CC2D2A: variants seen among roughly 807,000 people sequenced by gnomAD.
The protein encoded by CC2D2A is coiled-coil and C2 domain-containing protein 2A.
Under a neutral mutation model 212.9 loss-of-function variants are expected in CC2D2A, and 155 were observed. The observed-to-expected ratio is 0.73, with a 90% CI of 0.64 to 0.83. The LOEUF (loss-of-function observed/expected upper bound fraction) is 0.83, where lower values mean the gene tolerates loss of function less well. Among genes scored for constraint, CC2D2A ranks in the 40% least tolerant of loss-of-function variants. CC2D2A has a pLI of 0.00. For missense variants in CC2D2A, 1,856 were observed against 1,956.2 expected (o/e 0.95, Z 0.97); for synonymous variants, 667 against 686.5 (o/e 0.97, Z 0.44).
chr4:15,488,880 T>C (rs1456601836), intron 4 of CC2D2A, among the ~76,000 whole-genome samples: 1 of 152,246 alleles, frequency 6.6e-6, no homozygotes, highest in Non-Finnish European at 1.5e-5. Flanking sequence ...GCTTGCCTTC[T>C]AATCTGCTCT....
chr4:15,531,767 T>C lies in CC2D2A; in HGVS notation c.1467-1426T>C, dbSNP rs542784988. 1.4e-4 allele frequency among the ~76,000 whole-genome samples: 21 copies of C among 152,146 alleles called. 1 individual carries two copies. The highest frequency in any genetic ancestry group is 1.3e-3 in the Admixed American group (20 of 15,276). Reference sequence around the variant, plus strand: ...TTTTTAGCATTTCTGGGAAACTATCTTTTTTTTAGATACTAAAAAAGAAAG... The same window carrying C: ...TTTTTAGCATTTCTGGGAAACTATCCTTTTTTTAGATACTAAAAAAGAAAG... On this transcript the variant is annotated intron_variant, in intron 13 of 36. Transcript: ENST00000424120.
chr4:15,548,106 T>C (rs866013789), intron 17 of CC2D2A, among the ~76,000 whole-genome samples: 2 of 145,922 alleles, frequency 1.4e-5, no homozygotes, highest in African/African-American at 2.5e-5. Context: ...GAAATAAAGA[T>C]TGGGGAAATT....
chr4:15,601,158 A>C, intron 36 of CC2D2A, 79 bp from the exon 37 acceptor site: 1 of 952,568 alleles, frequency 1.0e-6, no homozygotes, highest in Non-Finnish European at 1.6e-6. Context: ...CACTTATCTT[A>C]ATTGCATACA....
At chr4:15,592,886 G>A (rs1031840330) in intron 33 of CC2D2A, among the ~76,000 whole-genome samples, 1 of 151,998 alleles carries the variant, frequency 6.6e-6, no homozygotes, top group African/African-American at 2.4e-5. Flanking sequence ...CCCCTTCCTG[G>A]CTTCCTATTT....
In CC2D2A at chr4:15,596,183, A is replaced by ATATCCTGGCCTTTCCAGTGTTCAGG. The variant is rs1721312024; in HGVS notation, c.4417_4437+4dup. On this transcript the variant is annotated frameshift_variant, in exon 34 of 37. Coordinates refer to ENST00000424120, the MANE Select transcript of CC2D2A (RefSeq NM_001378615.1). LOFTEE classifies it high-confidence loss of function. ...AATCTTTCTTTTCAAGAAGCCTTCC[A>ATATCCTGGCCTTTCCAGTGTTCAGG]TATCCTGGCCTTTCCAGTGTTCAGG... 3 of 1,548,104 alleles carry ATATCCTGGCCTTTCCAGTGTTCAGG rather than the reference A, an allele frequency of 1.9e-6. No homozygotes were observed. Among genetic ancestry groups the ATATCCTGGCCTTTCCAGTGTTCAGG allele is most frequent in the Non-Finnish European group, 2.6e-6 (3 of 1,145,428 alleles).
intron 19 of CC2D2A, among the ~76,000 whole-genome samples, chr4:15,554,411 G>A (rs1435520697): frequency 2.6e-5 from 4 of 152,146 alleles, no homozygotes; most frequent in Non-Finnish European, 2.9e-5. Context: ...GGTGGCTCAC[G>A]TCCATTATCC....
intron 1 of CC2D2A, among the ~76,000 whole-genome samples, chr4:15,471,938 T>C (rs1385423596): frequency 6.6e-6 from 1 of 152,204 alleles, no homozygotes; most frequent in Non-Finnish European, 1.5e-5. Context: ...CTTGAAAAAA[T>C]ATATCTGGTT....
chr4:15,517,353 C>T (rs1000259860), intron 11 of CC2D2A, among the ~76,000 whole-genome samples: 1 of 151,824 alleles, frequency 6.6e-6, no homozygotes, highest in Non-Finnish European at 1.5e-5. Flanking sequence ...TCTTCTTTTG[C>T]CCTCTCTTTT....
intron 32 of CC2D2A, among the ~76,000 whole-genome samples, 155 bp from the exon 33 acceptor site, chr4:15,589,390 A>C (rs1421790453): frequency 6.6e-6 from 1 of 152,222 alleles, no homozygotes; most frequent in African/African-American, 2.4e-5. Flanking sequence ...TTTTAAATTC[A>C]GCATAACCTA....
At position 15,516,682 on chromosome 4, in the gene CC2D2A, C is replaced by G; in HGVS notation, c.1075C>G (p.Pro359Ala). The change falls in exon 11 of 37, where the codon CCA becomes GCA. Residue 359 changes from proline to alanine, a missense_variant. By Grantham distance (27) the Pro-to-Ala change is conservative. Around this residue, in one of 5 missense-constraint regions of CC2D2A, gnomAD observed 1,512 missense variants for 1,579.3 expected, o/e 0.96. Transcript: ENST00000424120. The stretch of plus-strand genomic sequence containing the variant: ...CCTAGCTCTGCCAAACCCCATCAAG[C>G]CATTTCCTTCAAGGCCGCCAGTACT... ...RILALPNPIKPFPSRPPVLTQ... is the reference protein window; with the variant it reads ...RILALPNPIKAFPSRPPVLTQ... 5 of 1,613,390 alleles carry G rather than the reference C, an allele frequency of 3.1e-6. No individual in the cohort carries two copies. Among genetic ancestry groups the G allele is most frequent in the Non-Finnish European group, 4.2e-6 (5 of 1,179,578 alleles).
intron 17 of CC2D2A, among the ~76,000 whole-genome samples, chr4:15,544,813 C>T (rs934969961): frequency 6.6e-6 from 1 of 152,152 alleles, no homozygotes; most frequent in Non-Finnish European, 1.5e-5. Context: ...GTGGATGTTA[C>T]AGTCAAAATA....
intron 6 of CC2D2A, among the ~76,000 whole-genome samples, chr4:15,503,845 G>A (rs1716110971): frequency 1.3e-5 from 2 of 152,166 alleles, no homozygotes; most frequent in Non-Finnish European, 2.9e-5. Context: ...TTTCTACTGT[G>A]GTGAGTGTTT....
At chr4:15,485,530 T>G (rs1714947532) in intron 4 of CC2D2A, among the ~76,000 whole-genome samples, 1 of 152,226 alleles carries the variant, frequency 6.6e-6, no homozygotes, top group Non-Finnish European at 1.5e-5. Flanking sequence ...GTAGTTCTAT[T>G]TTTAGTTTTT....
intron 17 of CC2D2A, 27 bp from the exon 18 acceptor site, chr4:15,550,797 T>C (rs578120198): frequency 3.3e-6 from 5 of 1,521,704 alleles, no homozygotes; most frequent in Non-Finnish European, 4.5e-6. Context: ...CTGTTTTTAT[T>C]GGCTATTTCT....
intron 18 of CC2D2A, among the ~76,000 whole-genome samples, chr4:15,551,828 GTC>G (rs1719024160): frequency 6.6e-6 from 1 of 151,950 alleles, no homozygotes. Flanking sequence ...TTCCTCATGT[GTC>G]TGTTTTTTTA....
chr4:15,520,516 C>A (rs1438698716), intron 11 of CC2D2A, among the ~76,000 whole-genome samples: 11 of 152,090 alleles, frequency 7.2e-5, no homozygotes, highest in African/African-American at 2.4e-4. Flanking sequence ...AGTTAGAAAA[C>A]AGAAGAGTAA....
intron 4 of CC2D2A, among the ~76,000 whole-genome samples, chr4:15,495,005 G>A (rs146190055): frequency 3.4e-4 from 52 of 152,300 alleles, no homozygotes; most frequent in African/African-American, 1.3e-3. Flanking sequence ...TTGGTATACA[G>A]ATCATTTTGT....
chr4:15,597,875 C>G (rs1721389695), intron 35 of CC2D2A, among the ~76,000 whole-genome samples: 1 of 152,196 alleles, frequency 6.6e-6, no homozygotes, highest in African/African-American at 2.4e-5. Context: ...TCTCATAACC[C>G]TGTAAAAATA....
rs1560184540 is a variant in CC2D2A at position 15,563,341 on chromosome 4, T to C, written c.3015-14T>C. 2.5e-6 allele frequency: 4 copies of C among 1,589,454 alleles called. No individual in the cohort carries two copies. The East Asian group carries it at 6.8e-5, about 27-fold the overall frequency. On this transcript the variant is annotated splice_polypyrimidine_tract_variant and intron_variant, in intron 23 of 36. Coordinates refer to ENST00000424120, the MANE Select transcript of CC2D2A (RefSeq NM_001378615.1). Reference sequence around the variant, plus strand: ...CTTTTTCTTAGAGTCCTGATCCTGTTCTGTAATCATTAGCATTTTGGGCCT... The same window carrying C: ...CTTTTTCTTAGAGTCCTGATCCTGTCCTGTAATCATTAGCATTTTGGGCCT...
Sources: gnomAD v4.1 joint callset for allele counts (sites outside exome capture counted in the v4.1 genomes callset) on GRCh38, gnomAD v4.1.1 for gene constraint, gnomAD v4.1.1 regional missense constraint, MANE v1.5 for transcripts, NCBI Gene and HGNC (gene_info 2026-07-23, HGNC 2026-07-21) for gene names.